The following SS18L2 variants were observed in gnomAD, a reference collection of about 807,000 sequenced individuals.
The protein encoded by SS18L2 is SS18-like protein 2.
Under a neutral mutation model 10.3 loss-of-function variants are expected in SS18L2, and 8 were observed. The ratio of observed to expected loss-of-function variants is 0.78; its 90% confidence interval spans 0.46 to 1.41. The LOEUF (loss-of-function observed/expected upper bound fraction) is 1.41, where lower values mean the gene tolerates loss of function less well. Among genes scored for constraint, SS18L2 ranks in the 40% most tolerant of loss-of-function variants. The pLI is 0.00. For synonymous variants in SS18L2, 41 were observed against 34.6 expected (o/e 1.19, Z -0.65); for missense variants, 100 against 96.2 (o/e 1.04, Z -0.17).
intron 1 of SS18L2, among the ~76,000 whole-genome samples, chr3:42,582,721 C>T (rs895923655): frequency 6.6e-6 from 1 of 152,104 alleles, no homozygotes; most frequent in Admixed American, 6.5e-5. Flanking sequence ...TTTACAGAAG[C>T]TTCTAGGCTG....
Position 42,584,535 on chromosome 3 carries a change from C to T in SS18L2, c.-90+2577C>T, listed in dbSNP as rs186126937. On this transcript the variant is annotated intron_variant, in intron 1 of 3. Coordinates refer to the SS18L2 transcript ENST00000447630. ...CCTCCCTAAGTGCTGGGATTACAGGCGTGAGCCACCACGCCTAGCCGGGAC... is the reference window on the plus strand; with the variant it reads ...CCTCCCTAAGTGCTGGGATTACAGGTGTGAGCCACCACGCCTAGCCGGGAC... Among the ~76,000 whole-genome samples, 73 of 152,282 alleles carry T rather than the reference C, an allele frequency of 4.8e-4. No homozygotes were observed. In the Middle Eastern group the frequency reaches 0.017, roughly 35 times the overall value.
At chr3:42,584,502 C>T (rs1386493912) in intron 1 of SS18L2, among the ~76,000 whole-genome samples, 3 of 152,184 alleles carry the variant, frequency 2.0e-5, no homozygotes, top group Admixed American at 1.3e-4. Context: ...GTGATCTGCC[C>T]GCCTTGGCCT....
intron 2 of SS18L2, among the ~76,000 whole-genome samples, chr3:42,591,916 G>A (rs549447133): frequency 6.6e-6 from 1 of 152,264 alleles, no homozygotes; most frequent in East Asian, 1.9e-4. Context: ...AAGCTCAGGA[G>A]ATTAGAGCCA....
At chr3:42,583,192 T>C (rs1433585934) in intron 1 of SS18L2, among the ~76,000 whole-genome samples, 1 of 152,198 alleles carries the variant, frequency 6.6e-6, no homozygotes, top group Non-Finnish European at 1.5e-5. Context: ...GCTGCTAAAG[T>C]GCAGATCAAA....
upstream of SS18L2, chr3:42,590,711 G>C (rs1018529360): frequency 1.5e-6 from 1 of 663,362 alleles, no homozygotes; most frequent in African/African-American, 1.8e-5. Context: ...ATACGAAAAC[G>C]CCCCCGGCGT....
At chr3:42,588,185 T>G (rs1704687847), upstream of SS18L2, among the ~76,000 whole-genome samples, 1 of 151,752 alleles carries the variant, frequency 6.6e-6, no homozygotes, top group African/African-American at 2.4e-5. Flanking sequence ...AGACAGATCA[T>G]GAGGTCAGGA....
In SS18L2 at chr3:42,591,199, TC is replaced by T; in HGVS notation, c.69+235del. On this transcript the variant is annotated intron_variant, in intron 1 of 2. Coordinates refer to ENST00000011691, the MANE Select transcript of SS18L2 (RefSeq NM_001370300.1). ...CGTCACACTGCACTAACCCTTTCTC[TC>T]CTTTTTTTTTTTTTTTTGAGACGGA... 4 of 547,250 alleles carry T rather than the reference TC, an allele frequency of 7.3e-6. No individual in the cohort carries two copies. The East Asian group carries it at 1.2e-4, about 16-fold the overall frequency. The allele number at this position is 547,250 out of a possible 1,614,324, so 33.9% of individuals were successfully genotyped here. A position where few individuals can be genotyped will look rare whatever the true frequency, so the allele number is the denominator to read the frequency against.
At position 42,594,764 on chromosome 3, in the gene SS18L2, T is replaced by C. The variant is rs1704982200; in HGVS notation, c.*255T>C. 1 of 308,638 alleles carries C rather than the reference T, an allele frequency of 3.2e-6. No homozygotes were observed. The highest frequency in any genetic ancestry group is 2.2e-5 in the African/African-American group (1 of 46,274). The allele number at this position is 308,638 out of a possible 1,614,324, so 19.1% of individuals were successfully genotyped here. A position where few individuals can be genotyped will look rare whatever the true frequency, so the allele number is the denominator to read the frequency against. On this transcript the variant is annotated 3_prime_UTR_variant, in exon 3 of 3. Coordinates refer to ENST00000011691, the MANE Select transcript of SS18L2 (RefSeq NM_001370300.1). The stretch of plus-strand genomic sequence containing the variant: ...AGCCCAGGTGTCCTCTTTCCTGAAC[T>C]TGGAGCATGTTTGGATAACAAAGAC...
At chr3:42,588,174 CA>C (rs1704687180), upstream of SS18L2, among the ~76,000 whole-genome samples, 1 of 151,704 alleles carries the variant, frequency 6.6e-6, no homozygotes, top group Non-Finnish European at 1.5e-5. Context: ...GAGGCCGAGG[CA>C]GACAGATCAT....
chr3:42,582,179 C>G (rs554680730), intron 1 of SS18L2: 1 of 152,366 alleles, frequency 6.6e-6, no homozygotes, highest in Non-Finnish European at 1.5e-5. Context: ...TTCTTCCCAC[C>G]TCCCGGCTCT....
intron 2 of SS18L2, among the ~76,000 whole-genome samples, chr3:42,592,560 A>G (rs1704887128): frequency 6.6e-6 from 1 of 152,194 alleles, no homozygotes; most frequent in African/African-American, 2.4e-5. Context: ...ATGTTTCACA[A>G]TCCCTACCCC....
At chr3:42,582,318 G>A (rs1317895905) in intron 1 of SS18L2, 1 of 152,328 alleles carries the variant, frequency 6.6e-6, no homozygotes, top group Non-Finnish European at 1.5e-5. Flanking sequence ...GAGGCTCCGC[G>A]TGACAGAGTG....
intron 1 of SS18L2, 126 bp downstream of exon 1, chr3:42,591,092 G>A: frequency 1.8e-6 from 2 of 1,113,034 alleles, no homozygotes; most frequent in Non-Finnish European, 2.6e-6. Context: ...GAGCAGCCGG[G>A]GTGCGGGGTG....
chr3:42,588,046 C>G (rs1177160955), upstream of SS18L2, among the ~76,000 whole-genome samples: 1 of 148,456 alleles, frequency 6.7e-6, no homozygotes, highest in Non-Finnish European at 1.5e-5. Flanking sequence ...GCACTCCAGC[C>G]TGGGCAACAA....
chr3:42,590,804 T>C (rs1704796837), upstream of SS18L2: 7 of 1,280,076 alleles, frequency 5.5e-6, no homozygotes, highest in Admixed American at 1.7e-5. Context: ...TACCCCGCCC[T>C]GTAGGCGGGA....
upstream of SS18L2, chr3:42,590,669 G>A (rs1704789277): frequency 1.7e-6 from 1 of 601,170 alleles, no homozygotes; most frequent in Non-Finnish European, 3.0e-6. Context: ...CAACCCACAA[G>A]TTTCGCTCTC....
At chr3:42,589,213 G>C (rs975660492), upstream of SS18L2, among the ~76,000 whole-genome samples, 5 of 149,774 alleles carry the variant, frequency 3.3e-5, no homozygotes, top group Admixed American at 2.7e-4. Flanking sequence ...AGGTTGCAGT[G>C]AGCCGAGATC....
intron 1 of SS18L2, among the ~76,000 whole-genome samples, chr3:42,584,917 C>G (rs564894013): frequency 6.6e-6 from 1 of 152,070 alleles, no homozygotes; most frequent in Admixed American, 6.5e-5. Context: ...GGGTGGATCA[C>G]GAGGTCAGGG....
chr3:42,592,337 C>G (rs1243232108), intron 2 of SS18L2, among the ~76,000 whole-genome samples: 2 of 152,012 alleles, frequency 1.3e-5, no homozygotes, highest in Non-Finnish European at 2.9e-5. Flanking sequence ...GTAGCTGGGA[C>G]TACAGGCGTG....
Sources: allele counts gnomAD v4.1 joint callset (sites outside exome capture counted in the v4.1 genomes callset), GRCh38; gene constraint gnomAD v4.1.1; transcripts MANE v1.5; gene names NCBI Gene and HGNC (gene_info 2026-07-23, HGNC 2026-07-21).